Variants in PDE3B observed in about 807,000 individuals in gnomAD.
The protein encoded by PDE3B is cGMP-inhibited 3',5'-cyclic phosphodiesterase 3B.
A neutral mutation model predicts 116.8 loss-of-function variants in PDE3B; 66 were observed. That is an observed-to-expected ratio of 0.56 (90% CI 0.46 to 0.69). PDE3B has a LOEUF of 0.69. Among genes scored for constraint, PDE3B ranks in the 30% least tolerant of loss-of-function variants. PDE3B has a pLI of 0.00. For missense variants in PDE3B, 1,384 were observed against 1,368.1 expected, an observed-to-expected ratio of 1.01 and a Z score of -0.18; for synonymous variants, 595 against 533.6, an observed-to-expected ratio of 1.12 and a Z score of -1.59.
chr11:14,767,561 G>A (rs1857530060), intron 1 of PDE3B, among the ~76,000 whole-genome samples: 1 of 151,314 alleles, frequency 6.6e-6, no homozygotes, highest in East Asian at 1.9e-4. Context: ...TGAAAATAAT[G>A]CAAATTTAAA....
At chr11:14,795,912 C>A (rs1174492182) in intron 4 of PDE3B, among the ~76,000 whole-genome samples, 1 of 152,052 alleles carries the variant, frequency 6.6e-6, no homozygotes, top group Non-Finnish European at 1.5e-5. Flanking sequence ...TTCTGGGGTA[C>A]ATGTGCAGAA....
intron 1 of PDE3B, chr11:14,674,290 G>C: frequency 9.4e-7 from 1 of 1,067,658 alleles, no homozygotes; most frequent in Non-Finnish European, 1.4e-6. Flanking sequence ...AGCCCCTATC[G>C]TCTTCCCCTC....
intron 1 of PDE3B, among the ~76,000 whole-genome samples, chr11:14,679,921 C>G (rs1235901989): frequency 6.6e-6 from 1 of 151,966 alleles, no homozygotes; most frequent in African/African-American, 2.4e-5. Context: ...AATGCTCCTC[C>G]TTTGCTCCAT....
chr11:14,657,829 A>G (rs1343286029), intron 1 of PDE3B, among the ~76,000 whole-genome samples: 1 of 152,244 alleles, frequency 6.6e-6, no homozygotes, highest in Non-Finnish European at 1.5e-5. Flanking sequence ...GAGGTCTCAA[A>G]AAATAACACC....
chr11:14,850,979 C>G (rs984020146), intron 12 of PDE3B, among the ~76,000 whole-genome samples: 4 of 138,128 alleles, frequency 2.9e-5, no homozygotes, highest in Non-Finnish European at 6.2e-5. Context: ...CCACACCCAG[C>G]TATTTTTTTT....
intron 1 of PDE3B, among the ~76,000 whole-genome samples, chr11:14,685,946 C>T (rs1260111082): frequency 6.6e-6 from 1 of 152,096 alleles, no homozygotes; most frequent in Non-Finnish European, 1.5e-5. Flanking sequence ...CTACCTATGC[C>T]ACAGGTGGAC....
chr11:14,843,981 C>T lies in PDE3B; in HGVS notation c.2475C>T (p.His825=). The change falls in exon 12 of 16, where the codon CAC becomes CAT. Residue 825 remains histidine, a synonymous_variant. Coordinates refer to ENST00000282096, the MANE Select transcript of PDE3B (RefSeq NM_000922.4). ...YVAAAMHDYD[H]PGRTNAFLVA... is the part of the protein sequence containing the mutation. ...CAGCTGCCATGCATGATTATGATCA[C>T]CCAGGGAGGACAAATGCATTTCTAG... The T allele has an allele frequency of 1.2e-5, 19 of 1,614,020 alleles. No homozygotes were observed. Among genetic ancestry groups the T allele is most frequent in the Non-Finnish European group, 1.6e-5 (19 of 1,179,956 alleles).
chr11:14,648,580 T>C (rs1853478667), intron 1 of PDE3B, among the ~76,000 whole-genome samples: 1 of 152,114 alleles, frequency 6.6e-6, no homozygotes, highest in Non-Finnish European at 1.5e-5. Flanking sequence ...AATTTTATAC[T>C]TTATTTTGTA....
rs755588629 is a variant in PDE3B, at chr11:14,786,421, CT to C, written c.1030-9del. Reference sequence around the variant, plus strand: ...CATGTACAAATGAATGAAAATTTCACTTTTTTTCTTTCTAGAATTCTGGAGG... The same window carrying C: ...CATGTACAAATGAATGAAAATTTCACTTTTTTCTTTCTAGAATTCTGGAGG... On this transcript the variant is annotated splice_polypyrimidine_tract_variant and intron_variant, in intron 2 of 15. Transcript: ENST00000282096. The C allele has an allele frequency of 1.2e-6, 2 of 1,601,844 alleles. No homozygotes were observed. The highest frequency in any genetic ancestry group is 8.5e-7 in the Non-Finnish European group (1 of 1,171,312).
chr11:14,838,837 T>G (rs1278414103), intron 11 of PDE3B, among the ~76,000 whole-genome samples: 1 of 152,182 alleles, frequency 6.6e-6, no homozygotes, highest in Non-Finnish European at 1.5e-5. Context: ...CTTGAGCAAC[T>G]GGCAGTGGCT....
intron 1 of PDE3B, chr11:14,673,684 G>T: frequency 1.4e-6 from 1 of 732,076 alleles, no homozygotes; most frequent in Non-Finnish European, 2.6e-6. Context: ...AAATCATGAA[G>T]ATAATTCAGT....
intron 14 of PDE3B, 60 bp downstream of exon 14, chr11:14,861,426 T>C: frequency 1.4e-6 from 2 of 1,464,946 alleles, no homozygotes; most frequent in Admixed American, 3.5e-5. Context: ...GACACTACTC[T>C]TTGGGTTTTG....
At chr11:14,891,522 C>T in the PDE3B span, 1 of 996,546 alleles carries the variant, frequency 1.0e-6, no homozygotes, top group Non-Finnish European at 1.2e-6. Flanking sequence ...CTGCAGACAC[C>T]GAAGAACCTG....
chr11:14,778,247 T>C (rs1261485949), intron 2 of PDE3B, among the ~76,000 whole-genome samples: 1 of 152,132 alleles, frequency 6.6e-6, no homozygotes, highest in East Asian at 1.9e-4. Context: ...GGGCAGGGCA[T>C]AGCTGAACGA....
intron 1 of PDE3B, among the ~76,000 whole-genome samples, chr11:14,677,551 CA>C (rs2133789732): frequency 6.6e-6 from 1 of 151,926 alleles, no homozygotes; most frequent in Non-Finnish European, 1.5e-5. Context: ...AAAAAATTAA[CA>C]GAGTAAAATA....
intron 5 of PDE3B, among the ~76,000 whole-genome samples, chr11:14,810,202 A>T (rs1859081904): frequency 2.0e-5 from 3 of 152,152 alleles, no homozygotes; most frequent in Non-Finnish European, 4.4e-5. Flanking sequence ...GTTTTAGGGT[A>T]CATGTGCCCA....
chr11:14,897,224 A>G, the PDE3B span, among the ~76,000 whole-genome samples: 1 of 152,256 alleles, frequency 6.6e-6, no homozygotes, highest in Non-Finnish European at 1.5e-5. Flanking sequence ...CATTTCAAAA[A>G]CAGAAAAAAA....
intron 1 of PDE3B, among the ~76,000 whole-genome samples, chr11:14,714,026 G>A (rs745942704): frequency 6.6e-6 from 1 of 152,140 alleles, no homozygotes; most frequent in Non-Finnish European, 1.5e-5. Flanking sequence ...AGTACTTGGT[G>A]GTAGTGTGGT....
chr11:14,842,379 T>G (rs1328066368), intron 11 of PDE3B, among the ~76,000 whole-genome samples: 2 of 152,194 alleles, frequency 1.3e-5, no homozygotes, highest in African/African-American at 4.8e-5. Context: ...ATTACTGAAT[T>G]TAAAAGGAAA....
Sources: allele counts gnomAD v4.1 joint callset (sites outside exome capture counted in the v4.1 genomes callset), GRCh38; gene constraint gnomAD v4.1.1; transcripts MANE v1.5; gene names NCBI Gene and HGNC (gene_info 2026-07-23, HGNC 2026-07-21).